Variants in BCOR observed in about 807,000 individuals in gnomAD.
BCOR encodes the protein BCL6 corepressor.
BCOR carries 10 observed loss-of-function variants against 86.7 expected under a neutral mutation model. That is an observed-to-expected ratio of 0.12 (90% confidence interval 0.07 to 0.20). The LOEUF is 0.20. BCOR is among the 10% of genes least tolerant of loss of function. The pLI, the probability that BCOR is intolerant of heterozygous loss-of-function variation, is 1.00. For synonymous variants in BCOR, 611 were observed against 609.0 expected (o/e 1.00, Z -0.05); for missense variants, 1,259 against 1,452.1 (o/e 0.87, Z 2.16).
chrX:40,068,385 C>A (rs888856685), intron 6 of BCOR, among the ~76,000 whole-genome samples: 1 of 112,342 alleles, frequency 8.9e-6, no homozygotes, highest in South Asian at 3.7e-4. Flanking sequence ...AGTCATCTGT[C>A]TGCCCAAACT....
rs1328067176 is a variant in BCOR at position 40,073,717 on chromosome X, T to C, written c.1629A>G (p.Ser543=). Residue 543 remains serine, a synonymous_variant, in exon 4 of 15, where the codon TCA becomes TCG. Transcript: ENST00000378444. ...DWAIPQQRSS[S]CPRMGGTDAV... ...CATCGGTGCCGCCCATGCGCGGGCATGATGAACTCCGCTGCTGTGGTATCG... is the reference window on the plus strand; with the variant it reads ...CATCGGTGCCGCCCATGCGCGGGCACGATGAACTCCGCTGCTGTGGTATCG... 8 of 1,211,750 alleles carry C rather than the reference T, an allele frequency of 6.6e-6. No individual in the cohort carries two copies. Among genetic ancestry groups the C allele is most frequent in the Admixed American group, 2.2e-5 (1 of 46,088 alleles).
chrX:40,078,350 AG>A (rs889302195), intron 1 of BCOR, among the ~76,000 whole-genome samples: 3 of 112,164 alleles, frequency 2.7e-5, no homozygotes, highest in Admixed American at 1.9e-4. Context: ...CAACAAGGGG[AG>A]GCTCTGACAA....
intron 1 of BCOR, among the ~76,000 whole-genome samples, chrX:40,103,141 A>G (rs1937103775): frequency 9.0e-6 from 1 of 110,621 alleles, no homozygotes; most frequent in Admixed American, 9.5e-5. Flanking sequence ...GCGGCCTGAC[A>G]GAACCTTCTG....
chrX:40,116,041 G>A (rs1838841373), intron 1 of BCOR, among the ~76,000 whole-genome samples: 1 of 111,498 alleles, frequency 9.0e-6, no homozygotes, highest in South Asian at 3.8e-4. Context: ...TCATCACACA[G>A]CTCTTCTGAA....
chrX:40,062,478 A>G (rs1934937583), intron 9 of BCOR, 85 bp from the exon 10 acceptor site: 1 of 1,082,104 alleles, frequency 9.2e-7, no homozygotes, highest in Non-Finnish European at 1.2e-6. Flanking sequence ...CACGTGACAA[A>G]CCTGCGTGGA....
chrX:40,166,951 C>T (rs1475148841), intron 1 of BCOR, among the ~76,000 whole-genome samples: 1 of 111,428 alleles, frequency 9.0e-6, no homozygotes, highest in African/African-American at 3.3e-5. Flanking sequence ...GCTGGACTAC[C>T]AGAAACAGCA....
intron 1 of BCOR, among the ~76,000 whole-genome samples, chrX:40,144,519 C>T: frequency 8.9e-6 from 1 of 112,244 alleles, no homozygotes. Context: ...ACCAAAGACA[C>T]ATGCACATGT....
chrX:40,167,493 T>C (rs1316785227), intron 1 of BCOR, among the ~76,000 whole-genome samples: 1 of 112,423 alleles, frequency 8.9e-6, no homozygotes, highest in Non-Finnish European at 1.9e-5. Flanking sequence ...GAAACGAAAA[T>C]ACATTTCCTT....
At chrX:40,128,237 A>G (rs1937567774) in intron 1 of BCOR, among the ~76,000 whole-genome samples, 1 of 106,191 alleles carries the variant, frequency 9.4e-6, no homozygotes, top group Non-Finnish European at 1.9e-5. Context: ...AAACAAACAA[A>G]AAAACAAAAA....
rs1225556667 is a variant in BCOR, at chrX:40,177,006, C to G, written c.-41+1G>C. ...AGGAGAACTCAAAACAACTCGCTGA[C>G]CTTCGGGCCGACCAGCTCCGTCTTC... On this transcript the variant is annotated splice_donor_variant, in intron 1 of 14. Coordinates refer to the BCOR transcript ENST00000342274. LOFTEE classifies it low-confidence loss of function (5UTR_SPLICE). 1 of 106,673 alleles carries G rather than the reference C, an allele frequency of 9.4e-6. No individual in the cohort carries two copies. Among genetic ancestry groups the G allele is most frequent in the Non-Finnish European group, 1.9e-5 (1 of 51,477 alleles). The allele number at this position is 106,673 out of a possible 1,213,427, so 8.8% of individuals were successfully genotyped here.
chrX:40,075,117 G>A lies in BCOR; in HGVS notation c.229C>T (p.Leu77=), dbSNP rs375552814. 18 of 1,208,098 alleles carry A rather than the reference G, an allele frequency of 1.5e-5. No homozygotes were observed. In the South Asian group the frequency reaches 1.9e-4, roughly 13 times the overall value. ...LAALSMDRTG[L]IREGLRVPGN... Reference sequence around the variant, plus strand: ...GGGACCCGCAGCCCTTCCCGGATCAGGCCAGTGCGGTCCATGCTCAGTGCT... The same window carrying A: ...GGGACCCGCAGCCCTTCCCGGATCAAGCCAGTGCGGTCCATGCTCAGTGCT... Residue 77 remains leucine, a synonymous_variant, in exon 4 of 15, where the codon CTG becomes TTG. Coordinates refer to ENST00000378444, the MANE Select transcript of BCOR (RefSeq NM_001123385.2).
chrX:40,071,941 A>G, intron 4 of BCOR: 3 of 394,399 alleles, frequency 7.6e-6, no homozygotes, highest in Non-Finnish European at 1.3e-5. Context: ...AAAAATTTGC[A>G]TGAATCCCAC....
intron 1 of BCOR, among the ~76,000 whole-genome samples, chrX:40,166,644 G>A (rs1332575488): frequency 8.9e-6 from 1 of 112,463 alleles, no homozygotes; most frequent in African/African-American, 3.2e-5. Context: ...GTGGGCACAG[G>A]GGCCCCAACG....
chrX:40,176,005 G>T (rs1938741126), intron 1 of BCOR, among the ~76,000 whole-genome samples: 1 of 112,754 alleles, frequency 8.9e-6, no homozygotes, highest in African/African-American at 3.2e-5. Flanking sequence ...CACTGCGGGG[G>T]GCGGAGGGAC....
intron 1 of BCOR, among the ~76,000 whole-genome samples, chrX:40,151,605 G>A (rs764610248): frequency 8.8e-6 from 1 of 113,208 alleles, no homozygotes; most frequent in South Asian, 3.6e-4. Context: ...TCAGCGGGGG[G>A]ACGGGTCCCC....
At chrX:40,176,129 G>A (rs1481635328) in intron 1 of BCOR, among the ~76,000 whole-genome samples, 1 of 112,873 alleles carries the variant, frequency 8.9e-6, no homozygotes, top group African/African-American at 3.2e-5. Context: ...TTCACCACCG[G>A]CCACGAGGCC....
chrX:40,117,789 C>T (rs1165560718), intron 1 of BCOR, among the ~76,000 whole-genome samples: 1 of 110,824 alleles, frequency 9.0e-6, no homozygotes, highest in African/African-American at 3.3e-5. Flanking sequence ...TGGACTTCAG[C>T]TTCTGAAACT....
chrX:40,057,863 G>A (rs1029759108), intron 10 of BCOR, among the ~76,000 whole-genome samples: 1 of 112,081 alleles, frequency 8.9e-6, no homozygotes, highest in Non-Finnish European at 1.9e-5. Flanking sequence ...TTCACAGAGA[G>A]GAGGATGCCC....
intron 10 of BCOR, among the ~76,000 whole-genome samples, chrX:40,058,325 G>A (rs777624545): frequency 1.8e-5 from 2 of 111,895 alleles, no homozygotes; most frequent in African/African-American, 3.3e-5. Context: ...CAGACAACAG[G>A]TTACACTGTT....
Sources: gnomAD v4.1 joint callset for allele counts (sites outside exome capture counted in the v4.1 genomes callset) on GRCh38, gnomAD v4.1.1 for gene constraint, MANE v1.5 for transcripts, NCBI Gene and HGNC (gene_info 2026-07-23, HGNC 2026-07-21) for gene names.